The following MTHFS variants were observed in gnomAD, a reference collection of about 807,000 sequenced individuals.
MTHFS encodes the protein methenyltetrahydrofolate synthetase.
A neutral mutation model predicts 12.7 loss-of-function variants in MTHFS; 7 were observed. The ratio of observed to expected loss-of-function variants is 0.55; its 90% CI spans 0.31 to 1.03. MTHFS has a LOEUF of 1.03. MTHFS is among the 50% of genes least tolerant of loss of function. The probability of loss-of-function intolerance (pLI) is 0.05; values close to 1 mark genes in which losing one functional copy is unlikely to be tolerated. For synonymous variants in MTHFS, 100 were observed against 97.1 expected, an observed-to-expected ratio of 1.03 and a Z score of -0.18; for missense variants, 252 against 258.1, an observed-to-expected ratio of 0.98 and a Z score of 0.16.
intron 2 of MTHFS, among the ~76,000 whole-genome samples, chr15:79,879,394 C>A (rs929478059): frequency 8.3e-6 from 1 of 120,338 alleles, no homozygotes; most frequent in African/African-American, 3.3e-5. Context: ...ATGGTGTGAT[C>A]TTGGCTCACT....
chr15:79,847,977 A>G (rs2033649140), intron 2 of MTHFS, among the ~76,000 whole-genome samples: 1 of 152,210 alleles, frequency 6.6e-6, no homozygotes, highest in African/African-American at 2.4e-5. Context: ...GAACTACCAT[A>G]TGGCCCAGCA....
chr15:79,878,508 T>G (rs2034238873), intron 2 of MTHFS, among the ~76,000 whole-genome samples: 1 of 148,902 alleles, frequency 6.7e-6, no homozygotes, highest in South Asian at 2.2e-4. Context: ...ATGGCCATTA[T>G]CTAGTTTGCC....
chr15:79,868,616 C>T (rs1480304524), intron 2 of MTHFS, among the ~76,000 whole-genome samples: 1 of 152,150 alleles, frequency 6.6e-6, no homozygotes, highest in Non-Finnish European at 1.5e-5. Flanking sequence ...TGCAGGTGGC[C>T]TGAATAGAAT....
upstream of MTHFS, chr15:79,897,020 C>T: frequency 1.3e-6 from 2 of 1,497,400 alleles, no homozygotes; most frequent in Non-Finnish European, 1.8e-6. Flanking sequence ...GTCCCGCCCT[C>T]GGCGCCCTGG....
intron 1 of MTHFS, 80 bp from the exon 2 acceptor site, chr15:79,889,434 A>T: frequency 8.6e-7 from 1 of 1,157,532 alleles, no homozygotes; most frequent in Non-Finnish European, 1.2e-6. Flanking sequence ...TTTCTCTCTC[A>T]GCCTTCTCCA....
chr15:79,844,946 A>G lies in MTHFS; in HGVS notation c.*264T>C. On this transcript the variant is annotated 3_prime_UTR_variant, in exon 3 of 3. Transcript: ENST00000258874. ...ATTTAACTTAAATTGCAAAGTAGAC[A>G]GATCAACTTGTCACATTAACACCAG... The G allele has an allele frequency of 2.0e-6, 1 of 494,738 alleles. No homozygotes were observed. Among genetic ancestry groups the G allele is most frequent in the Non-Finnish European group, 3.6e-6 (1 of 281,620 alleles). 30.6% of individuals were successfully genotyped at this position (494,738 alleles called of 1,614,324 possible).
At chr15:79,854,583 C>T (rs2033769252) in intron 2 of MTHFS, among the ~76,000 whole-genome samples, 1 of 152,316 alleles carries the variant, frequency 6.6e-6, no homozygotes, top group Non-Finnish European at 1.5e-5. Context: ...TCAGTGGTTA[C>T]TCCTGGCTTG....
At chr15:79,852,924 A>C in intron 2 of MTHFS, among the ~76,000 whole-genome samples, 1 of 152,236 alleles carries the variant, frequency 6.6e-6, no homozygotes, top group East Asian at 1.9e-4. Flanking sequence ...AGACTCTTCT[A>C]AGTAAAGCTG....
intron 2 of MTHFS, among the ~76,000 whole-genome samples, chr15:79,873,277 G>A (rs553077503): frequency 1.3e-5 from 2 of 152,258 alleles, no homozygotes; most frequent in East Asian, 1.9e-4. Context: ...TGTGACCATC[G>A]ATAAGGTACT....
intron 2 of MTHFS, among the ~76,000 whole-genome samples, chr15:79,848,578 T>C (rs1351258353): frequency 1.3e-5 from 2 of 152,234 alleles, no homozygotes; most frequent in South Asian, 2.1e-4. Flanking sequence ...TCCCACCAGA[T>C]ACAATACACA....
At chr15:79,857,139 G>A (rs2033822129) in intron 2 of MTHFS, among the ~76,000 whole-genome samples, 2 of 151,946 alleles carry the variant, frequency 1.3e-5, no homozygotes, top group African/African-American at 4.8e-5. Context: ...GGGATTACAG[G>A]CATGCACCAC....
rs536614712 is a variant in MTHFS, at chr15:79,893,204, A to G, written c.117+3668T>C. Among the ~76,000 whole-genome samples the G allele has an allele frequency of 2.6e-5, 4 of 151,694 alleles. No homozygotes were observed. The East Asian group carries it at 5.8e-4, about 22-fold the overall frequency. On this transcript the variant is annotated intron_variant, in intron 1 of 2. Transcript: ENST00000258874. Reference sequence around the variant, plus strand: ...TGGATCATGAGGTCAGGAGTTCAACATCAGCCGGGCCAAGATGATGAAACC... The same window carrying G: ...TGGATCATGAGGTCAGGAGTTCAACGTCAGCCGGGCCAAGATGATGAAACC...
At chr15:79,873,179 A>C (rs1043006213) in intron 2 of MTHFS, among the ~76,000 whole-genome samples, 2 of 152,106 alleles carry the variant, frequency 1.3e-5, no homozygotes, top group Admixed American at 1.3e-4. Flanking sequence ...GGCTCCAGCT[A>C]TAGATATATG....
At chr15:79,860,307 T>C (rs2141349863) in intron 2 of MTHFS, among the ~76,000 whole-genome samples, 1 of 151,452 alleles carries the variant, frequency 6.6e-6, no homozygotes, top group East Asian at 1.9e-4. Context: ...GAGAATGGCG[T>C]GAACCCAGGA....
Position 79,845,269 on chromosome 15 carries a change from C to T in MTHFS, c.553G>A (p.Val185Met). ...FKEQICLQVP[V>M]NENDMKVDEV... ...TCTACCTTCATGTCGTTTTCATTCA[C>T]TGGGACCTGGAGGCAAATCTGTTCT... The change falls in exon 3 of 3, where the codon GTG (valine) becomes ATG (methionine). Residue 185 changes from valine (V) to methionine (M), a missense_variant. Physicochemically the swap from Val to Met is conservative, Grantham distance 21 (BLOSUM62 1). Coordinates refer to ENST00000258874, the MANE Select transcript of MTHFS (RefSeq NM_006441.4). 1.2e-6 allele frequency: 2 copies of T among 1,614,246 alleles called. No individual in the cohort carries two copies. Among genetic ancestry groups the T allele is most frequent in the Non-Finnish European group, 1.7e-6 (2 of 1,180,040 alleles).
chr15:79,888,999 G>C (rs2034427055), intron 2 of MTHFS, 94 bp downstream of exon 2: 1 of 1,509,978 alleles, frequency 6.6e-7, no homozygotes. Flanking sequence ...TCCCTTACAG[G>C]AAAAGCAACT....
intron 1 of MTHFS, among the ~76,000 whole-genome samples, chr15:79,890,350 C>T (rs2034454001): frequency 2.0e-5 from 3 of 151,804 alleles, no homozygotes; most frequent in African/African-American, 7.3e-5. Context: ...GCCTCAGCCT[C>T]CAGAGTAGCT....
At chr15:79,896,786 C>T in intron 1 of MTHFS, 86 bp downstream of exon 1, 1 of 1,504,806 alleles carries the variant, frequency 6.6e-7, no homozygotes, top group Non-Finnish European at 8.9e-7. Flanking sequence ...AGCGCCAGCA[C>T]GGACCATGCA....
Position 79,847,881 on chromosome 15 carries a change from G to C in MTHFS, c.380-2439C>G, listed in dbSNP as rs188941941. 2.8e-4 allele frequency among the ~76,000 whole-genome samples: 42 copies of C among 152,248 alleles called. No individual in the cohort carries two copies. In the East Asian group the frequency reaches 6.8e-3, roughly 24 times the overall value. On this transcript the variant is annotated intron_variant, in intron 2 of 2. Coordinates refer to ENST00000258874, the MANE Select transcript of MTHFS (RefSeq NM_006441.4). ...TGTTGGCAAGGATGTGGAGAAATCAGAACCCTTGTACACTGCTGGTGGGGG... is the reference window on the plus strand; with the variant it reads ...TGTTGGCAAGGATGTGGAGAAATCACAACCCTTGTACACTGCTGGTGGGGG...
Sources: gnomAD v4.1 joint callset for allele counts (sites outside exome capture counted in the v4.1 genomes callset) on GRCh38, gnomAD v4.1.1 for gene constraint, MANE v1.5 for transcripts, NCBI Gene and HGNC (gene_info 2026-07-23, HGNC 2026-07-21) for gene names.